The following MAP7 variants were observed in gnomAD, a reference collection of about 807,000 sequenced individuals.
MAP7 encodes the protein ensconsin.
In MAP7, 52 loss-of-function variants were observed where a neutral mutation model predicts 94.8. The observed-to-expected ratio is 0.55, with a 90% CI of 0.44 to 0.69. The LOEUF is 0.69. Among genes scored for constraint, MAP7 ranks in the 30% least tolerant of loss-of-function variants. The pLI is 0.00. For missense variants in MAP7, 940 were observed against 964.6 expected (o/e 0.97, Z 0.34); for synonymous variants, 350 against 357.0 (o/e 0.98, Z 0.22).
At chr6:136,378,149 T>C (rs1203941207) in intron 6 of MAP7, among the ~76,000 whole-genome samples, 1 of 152,110 alleles carries the variant, frequency 6.6e-6, no homozygotes, top group African/African-American at 2.4e-5. Context: ...CAACTAGCAA[T>C]AAACAAAAAA....
chr6:136,443,449 C>T (rs918208849), intron 1 of MAP7, among the ~76,000 whole-genome samples: 3 of 99,928 alleles, frequency 3.0e-5, no homozygotes, highest in African/African-American at 1.1e-4. Context: ...TCCCCTTCTA[C>T]TTTTTTTTTT....
At chr6:136,449,830 G>T (rs1354653198) in intron 1 of MAP7, among the ~76,000 whole-genome samples, 1 of 152,216 alleles carries the variant, frequency 6.6e-6, no homozygotes, top group African/African-American at 2.4e-5. Context: ...CTCTGAGAGG[G>T]AAGAACACAG....
chr6:136,502,272 C>T (rs773333221), intron 1 of MAP7, among the ~76,000 whole-genome samples: 21 of 152,216 alleles, frequency 1.4e-4, no homozygotes, highest in Admixed American at 3.9e-4. Flanking sequence ...CACACACAAA[C>T]GCATACACAT....
chr6:136,463,052 A>C (rs917839919), intron 1 of MAP7, among the ~76,000 whole-genome samples: 1 of 152,184 alleles, frequency 6.6e-6, no homozygotes, highest in African/African-American at 2.4e-5. Flanking sequence ...AGAAAAGTAA[A>C]AGTTATTGAA....
At chr6:136,348,831 A>C (rs1788369461) in intron 16 of MAP7, among the ~76,000 whole-genome samples, 1 of 152,202 alleles carries the variant, frequency 6.6e-6, no homozygotes, top group Non-Finnish European at 1.5e-5. Context: ...GTCAAACACC[A>C]AAATTACCAA....
At chr6:136,506,402 G>T (rs1821528132) in intron 1 of MAP7, among the ~76,000 whole-genome samples, 1 of 152,116 alleles carries the variant, frequency 6.6e-6, no homozygotes, top group South Asian at 2.1e-4. Context: ...TGTAGGGAAG[G>T]GAAGAGAAAT....
At chr6:136,426,217 A>G (rs1793092321) in intron 1 of MAP7, among the ~76,000 whole-genome samples, 1 of 152,210 alleles carries the variant, frequency 6.6e-6, no homozygotes, top group Non-Finnish European at 1.5e-5. Context: ...GTCCTCACAA[A>G]AAAGCCAACC....
intron 1 of MAP7, among the ~76,000 whole-genome samples, chr6:136,488,382 T>C (rs1815439415): frequency 6.6e-6 from 1 of 151,438 alleles, no homozygotes; most frequent in Non-Finnish European, 1.5e-5. Context: ...AAAGAAAAAA[T>C]AATAGTGTCT....
intron 1 of MAP7, among the ~76,000 whole-genome samples, chr6:136,539,270 AG>A (rs1244510216): frequency 3.3e-5 from 5 of 152,206 alleles, no homozygotes; most frequent in African/African-American, 1.2e-4. Flanking sequence ...GAAGACACTG[AG>A]GAAGAGAATG....
At chr6:136,370,472 C>T (rs1257021583) in intron 8 of MAP7, among the ~76,000 whole-genome samples, 10 of 152,162 alleles carry the variant, frequency 6.6e-5, no homozygotes, top group Admixed American at 3.9e-4. Flanking sequence ...TTCATAGCAG[C>T]GTTATTCACA....
Position 136,389,479 on chromosome 6 carries a change from C to T in MAP7, c.283G>A (p.Ala95Thr), listed in dbSNP as rs778508371. The T allele has an allele frequency of 6.2e-7, 1 of 1,610,504 alleles. No homozygotes were observed. The highest frequency in any genetic ancestry group is 1.7e-5 in the Admixed American group (1 of 59,534). Reference protein sequence around the residue: ...EIVWLEREERARQHYEKHLEE... With the variant: ...EIVWLEREERTRQHYEKHLEE... The stretch of plus-strand genomic sequence containing the variant: ...AGGTGCTTCTCGTAGTGCTGCCTGG[C>T]TCGCTCTTCTCTTTCTAACCACACT... Residue 95 changes from alanine (A) to threonine (T), a missense_variant, in exon 4 of 18, where the codon GCC becomes ACC. Coordinates refer to ENST00000354570, the MANE Select transcript of MAP7 (RefSeq NM_003980.6).
chr6:136,504,244 A>C (rs1283679927), intron 1 of MAP7, among the ~76,000 whole-genome samples: 1 of 152,182 alleles, frequency 6.6e-6, no homozygotes, highest in Non-Finnish European at 1.5e-5. Context: ...GGAAATAGGG[A>C]AACAGGGAGA....
intron 1 of MAP7, among the ~76,000 whole-genome samples, chr6:136,454,552 C>T (rs1357300468): frequency 6.6e-6 from 1 of 151,882 alleles, no homozygotes; most frequent in Admixed American, 6.5e-5. Context: ...CACGCCTTAG[C>T]CTCCCAAAGT....
At chr6:136,364,294 A>G (rs576520902) in intron 10 of MAP7, 17 of 516,716 alleles carry the variant, frequency 3.3e-5, no homozygotes, top group Non-Finnish European at 6.2e-5. Context: ...GCCTTGGCCA[A>G]TGTTGACATG....
At chr6:136,537,232 C>G (rs78925202) in intron 1 of MAP7, among the ~76,000 whole-genome samples, 1 of 152,004 alleles carries the variant, frequency 6.6e-6, no homozygotes, top group Admixed American at 6.5e-5. Flanking sequence ...AGTTGAAGAA[C>G]TGACATTCTC....
At chr6:136,377,364 A>G (rs1776473221) in intron 7 of MAP7, among the ~76,000 whole-genome samples, 1 of 152,230 alleles carries the variant, frequency 6.6e-6, no homozygotes, top group African/African-American at 2.4e-5. Context: ...GAAATAACAG[A>G]CTTGCGCTTT....
At chr6:136,387,064 G>C (rs1253931114) in intron 5 of MAP7, among the ~76,000 whole-genome samples, 4 of 152,080 alleles carry the variant, frequency 2.6e-5, no homozygotes, top group African/African-American at 7.2e-5. Flanking sequence ...CTCCTGCCTT[G>C]GCCTCCCAAA....
intron 1 of MAP7, among the ~76,000 whole-genome samples, chr6:136,478,466 G>C (rs57295330): frequency 0.02 from 3,054 of 151,768 alleles, 106 homozygotes; most frequent in East Asian, 0.14. Context: ...CAAACAAAAA[G>C]AGAAACATAA....
chr6:136,421,835 A>AAAT, intron 1 of MAP7, 36 bp from the exon 2 acceptor site: 1 of 1,507,902 alleles, frequency 6.6e-7, no homozygotes, highest in Non-Finnish European at 9.0e-7. Context: ...AGACACATTT[A>AAAT]GTTTCTTAAA....
Sources: gnomAD v4.1 joint callset for allele counts (sites outside exome capture counted in the v4.1 genomes callset) on GRCh38, gnomAD v4.1.1 for gene constraint, MANE v1.5 for transcripts, NCBI Gene and HGNC (gene_info 2026-07-23, HGNC 2026-07-21) for gene names.